Variants in USP32 observed in about 807,000 individuals in gnomAD.
The protein encoded by USP32 is ubiquitin carboxyl-terminal hydrolase 32.
Under a neutral mutation model 204.8 loss-of-function variants are expected in USP32, and 59 were observed. The ratio of observed to expected loss-of-function variants is 0.29; its 90% CI spans 0.23 to 0.36. The LOEUF is 0.36. Among genes scored for constraint, USP32 ranks in the 10% least tolerant of loss-of-function variants. The probability of loss-of-function intolerance (pLI) is 1.00; values close to 1 mark genes in which losing one functional copy is unlikely to be tolerated. For synonymous variants in USP32, 517 were observed against 678.4 expected (o/e 0.76, Z 3.70); for missense variants, 1,160 against 1,946.4 (o/e 0.60, Z 7.60).
Position 60,360,163 on chromosome 17 carries a change from C to T in USP32, c.59-14555G>A, listed in dbSNP as rs187016163. On this transcript the variant is annotated intron_variant, in intron 1 of 33. Transcript: ENST00000300896. ...GATTACAAGCGTGAGCCACCGCGCC[C>T]GGCCCTGTAAGACAAAGATCCTTAA... 3.3e-5 allele frequency among the ~76,000 whole-genome samples: 5 copies of T among 151,814 alleles called. No individual in the cohort carries two copies. The East Asian group carries it at 6.0e-4, about 18-fold the overall frequency.
intron 11 of USP32, among the ~76,000 whole-genome samples, chr17:60,237,001 AT>A (rs749740114): frequency 2.1e-4 from 32 of 152,258 alleles, no homozygotes; most frequent in South Asian, 8.3e-4. Flanking sequence ...CCTAAAGAAC[AT>A]TTGAAACTGG....
chr17:60,311,854 G>A (rs184901763), intron 2 of USP32, among the ~76,000 whole-genome samples: 278 of 152,246 alleles, frequency 1.8e-3, no homozygotes, highest in African/African-American at 6.1e-3. Context: ...CGGTAGATAT[G>A]TGTAGGTCTC....
At chr17:60,201,147 C>T (rs566316443) in intron 26 of USP32, among the ~76,000 whole-genome samples, 271 of 152,208 alleles carry the variant, frequency 1.8e-3, no homozygotes, top group Admixed American at 2.8e-3. Context: ...TGTGAGCCAC[C>T]GTGCCTAGCC....
chr17:60,319,474 TTAGA>T (rs1304090166), intron 2 of USP32, among the ~76,000 whole-genome samples: 1 of 151,974 alleles, frequency 6.6e-6, no homozygotes, highest in Non-Finnish European at 1.5e-5. Flanking sequence ...TAATAAACAC[TTAGA>T]TAGAAAGTAC....
chr17:60,405,292 T>C (rs2089967100), intron 1 of USP32, among the ~76,000 whole-genome samples: 1 of 152,122 alleles, frequency 6.6e-6, no homozygotes, highest in Non-Finnish European at 1.5e-5. Context: ...AGCTTCCACC[T>C]CCTGGGTTCA....
intron 1 of USP32, among the ~76,000 whole-genome samples, chr17:60,389,745 G>A (rs1486229090): frequency 6.6e-6 from 1 of 151,828 alleles, no homozygotes; most frequent in African/African-American, 2.4e-5. Flanking sequence ...GGCCGGGCGC[G>A]GTGGCTCATG....
intron 1 of USP32, among the ~76,000 whole-genome samples, chr17:60,357,073 G>T (rs553941140): frequency 6.6e-6 from 1 of 152,192 alleles, no homozygotes; most frequent in African/African-American, 2.4e-5. Flanking sequence ...GGACAACAGA[G>T]TAAGACCTTA....
chr17:60,333,575 G>C (rs989644968), intron 2 of USP32, among the ~76,000 whole-genome samples: 2 of 151,950 alleles, frequency 1.3e-5, no homozygotes, highest in Non-Finnish European at 1.5e-5. Flanking sequence ...ACTCCACCTG[G>C]GTGACAGACT....
intron 3 of USP32, among the ~76,000 whole-genome samples, chr17:60,300,690 T>C (rs1469571290): frequency 1.3e-5 from 2 of 152,230 alleles, no homozygotes; most frequent in African/African-American, 4.8e-5. Flanking sequence ...TATTGAGACA[T>C]AATTCACATC....
At chr17:60,409,282 AG>A (rs1372608918) in intron 1 of USP32, among the ~76,000 whole-genome samples, 20 of 152,210 alleles carry the variant, frequency 1.3e-4, no homozygotes, top group African/African-American at 4.3e-4. Context: ...TAGGAGGCGG[AG>A]GTTGCAGTGA....
chr17:60,187,877 T>C (rs2084289523), intron 29 of USP32, among the ~76,000 whole-genome samples: 1 of 152,214 alleles, frequency 6.6e-6, no homozygotes, highest in Non-Finnish European at 1.5e-5. Flanking sequence ...TTAAAGCTCA[T>C]CTTTAACACA....
At chr17:60,349,596 A>AAATATATATATATATATATATAT (rs1555618242) in intron 1 of USP32, among the ~76,000 whole-genome samples, 1 of 65,202 alleles carries the variant, frequency 1.5e-5, no homozygotes, top group Non-Finnish European at 2.5e-5. Flanking sequence ...AAAAAAAAAA[A>AAATATATATATATATATATATAT]ATATATATAT....
At chr17:60,422,184 C>G (rs1004907689) in intron 1 of USP32, 2 of 273,122 alleles carry the variant, frequency 7.3e-6, no homozygotes, top group Non-Finnish European at 1.4e-5. Context: ...GAGCCCCCAC[C>G]ACGGCGTAAC....
In USP32 at chr17:60,325,876, T is replaced by C. The variant is rs58496709; in HGVS notation, c.186+19605A>G. ...CCCAGGAGGCAGAAGTTGCAGTGAG[T>C]TGAGATCCCACCATTGCACTCCAGC... On this transcript the variant is annotated intron_variant, in intron 2 of 33. Transcript: ENST00000300896. Among the ~76,000 whole-genome samples, 327 of 151,398 alleles carry C rather than the reference T, an allele frequency of 2.2e-3. 1 individual carries two copies. Among genetic ancestry groups the C allele is most frequent in the African/African-American group, 7.6e-3 (313 of 41,216 alleles).
rs537562361 is a variant in USP32, at chr17:60,335,608, A to G, written c.186+9873T>C. Among the ~76,000 whole-genome samples the G allele has an allele frequency of 1.4e-5, 2 of 143,556 alleles. 1 individual carries two copies. Among genetic ancestry groups the G allele is most frequent in the South Asian group, 4.2e-4 (2 of 4,720 alleles). 94.2% of individuals were successfully genotyped at this position (143,556 alleles called of 152,430 possible). A position where few individuals can be genotyped will look rare whatever the true frequency, so the allele number is the denominator to read the frequency against. ...TAGAAATTTCCATTCAGAAAAGGGA[A>G]AAGTGGAAAACATACGGTAGTCATG... On this transcript the variant is annotated intron_variant, in intron 2 of 33. Transcript: ENST00000300896.
At chr17:60,261,433 G>C (rs979813893) in intron 9 of USP32, among the ~76,000 whole-genome samples, 6 of 152,080 alleles carry the variant, frequency 3.9e-5, no homozygotes, top group African/African-American at 1.4e-4. Flanking sequence ...GATCACTTAA[G>C]GTCAGGAGTT....
At chr17:60,355,585 G>A (rs1457671908) in intron 1 of USP32, among the ~76,000 whole-genome samples, 9 of 152,100 alleles carry the variant, frequency 5.9e-5, no homozygotes, top group East Asian at 3.9e-4. Flanking sequence ...AGCTGAGTGC[G>A]GTGGCAATCC....
intron 1 of USP32, among the ~76,000 whole-genome samples, chr17:60,363,109 G>C (rs1188465437): frequency 6.6e-6 from 1 of 151,894 alleles, no homozygotes; most frequent in East Asian, 1.9e-4. Context: ...GGGCAACACA[G>C]TGAGACCCCA....
chr17:60,351,617 G>A (rs186621801), intron 1 of USP32, among the ~76,000 whole-genome samples: 3 of 152,186 alleles, frequency 2.0e-5, no homozygotes, highest in Admixed American at 6.5e-5. Context: ...TAGTAGAGGC[G>A]GGGTTTCGCC....
Sources: allele counts gnomAD v4.1 joint callset (sites outside exome capture counted in the v4.1 genomes callset), GRCh38; gene constraint gnomAD v4.1.1; transcripts MANE v1.5; gene names NCBI Gene and HGNC (gene_info 2026-07-23, HGNC 2026-07-21).